PTPRT: variants seen among roughly 807,000 people sequenced by gnomAD.
PTPRT encodes protein tyrosine phosphatase receptor type T.
A neutral mutation model predicts 176.8 loss-of-function variants in PTPRT; 56 were observed. The ratio of observed to expected loss-of-function variants is 0.32; its 90% CI spans 0.26 to 0.40. The LOEUF (loss-of-function observed/expected upper bound fraction) is 0.40. PTPRT is among the 10% of genes least tolerant of loss of function. The pLI is 1.00. For missense variants in PTPRT, 1,540 were observed against 1,908.2 expected, an observed-to-expected ratio of 0.81 and a Z score of 3.60; for synonymous variants, 783 against 739.0, an observed-to-expected ratio of 1.06 and a Z score of -0.96.
chr20:42,454,883 G>A (rs1299618432), intron 8 of PTPRT, among the ~76,000 whole-genome samples: 4 of 152,200 alleles, frequency 2.6e-5, no homozygotes, highest in African/African-American at 9.6e-5. Flanking sequence ...TTACCTAAAT[G>A]CTGTGGGAGC....
intron 7 of PTPRT, among the ~76,000 whole-genome samples, chr20:42,548,085 C>G (rs1336912314): frequency 6.6e-6 from 1 of 151,970 alleles, no homozygotes; most frequent in East Asian, 1.9e-4. Context: ...AAAAACTCAA[C>G]AAATCCAGGC....
At chr20:42,065,285 TATTG>T in the PTPRT span, among the ~76,000 whole-genome samples, 20,035 of 152,170 alleles carry the variant, frequency 0.13, 3,629 homozygotes, top group African/African-American at 0.41. Flanking sequence ...ATCTCTTAGC[TATTG>T]ATTAATATTG....
chr20:42,718,008 C>A (rs1255109125), intron 6 of PTPRT, among the ~76,000 whole-genome samples: 1 of 152,218 alleles, frequency 6.6e-6, no homozygotes, highest in Admixed American at 6.5e-5. Flanking sequence ...ACAGACAACA[C>A]CAATATGCAA....
intron 6 of PTPRT, among the ~76,000 whole-genome samples, chr20:42,742,467 T>C (rs574043615): frequency 2.0e-5 from 3 of 152,274 alleles, no homozygotes; most frequent in Admixed American, 1.3e-4. Flanking sequence ...GTACTCCACA[T>C]AGTCATTCAG....
chr20:43,088,367 TG>T (rs2011692158), intron 1 of PTPRT, among the ~76,000 whole-genome samples: 1 of 151,774 alleles, frequency 6.6e-6, no homozygotes. Context: ...TGTGTGTGTG[TG>T]TGTGTGTGTG....
chr20:42,941,898 AT>A (rs2145994537), intron 1 of PTPRT, among the ~76,000 whole-genome samples: 1 of 152,322 alleles, frequency 6.6e-6, no homozygotes, highest in South Asian at 2.1e-4. Flanking sequence ...CTTAAAAAGC[AT>A]TGCTTTCAGT....
chr20:43,111,829 G>A (rs1025982084), intron 1 of PTPRT, among the ~76,000 whole-genome samples: 3 of 152,156 alleles, frequency 2.0e-5, no homozygotes, highest in African/African-American at 7.2e-5. Context: ...CCTGGAGTGG[G>A]CAAGTCAGCT....
intron 15 of PTPRT, among the ~76,000 whole-genome samples, chr20:42,215,594 A>T (rs2055749591): frequency 1.6e-5 from 2 of 122,754 alleles, no homozygotes; most frequent in South Asian, 3.0e-4. Context: ...CTGTAGTTTC[A>T]TCTTGCTCTA....
At chr20:42,698,544 T>C (rs1290415404) in intron 6 of PTPRT, among the ~76,000 whole-genome samples, 1 of 152,222 alleles carries the variant, frequency 6.6e-6, no homozygotes, top group African/African-American at 2.4e-5. Context: ...GCCTCAAACT[T>C]GGCTGCACAT....
intron 1 of PTPRT, among the ~76,000 whole-genome samples, chr20:42,942,323 G>T (rs918074535): frequency 6.6e-6 from 1 of 152,192 alleles, no homozygotes; most frequent in South Asian, 2.1e-4. Flanking sequence ...CAACCCATCC[G>T]CAGTTTCCAG....
chr20:42,187,563 G>A lies in PTPRT; in HGVS notation c.2491+11677C>T, dbSNP rs192136828. ...AGCTTTTCAATCTTTGTGATAGTCC[G>A]CCCTATGGCTCTTCCATTGACTTTC... On this transcript the variant is annotated intron_variant, in intron 16 of 30. Transcript: ENST00000373187. Among the ~76,000 whole-genome samples, 147 of 152,246 alleles carry A rather than the reference G, an allele frequency of 9.7e-4. 1 individual carries two copies. The highest frequency in any genetic ancestry group is 2.7e-3 in the Admixed American group (42 of 15,290).
intron 7 of PTPRT, among the ~76,000 whole-genome samples, chr20:42,636,086 C>T (rs1245002811): frequency 6.6e-6 from 1 of 152,068 alleles, no homozygotes; most frequent in East Asian, 1.9e-4. Context: ...TAATATTAGG[C>T]TACAGTAACC....
chr20:42,153,990 A>G (rs1290087942), intron 17 of PTPRT, among the ~76,000 whole-genome samples: 2 of 152,152 alleles, frequency 1.3e-5, no homozygotes, highest in African/African-American at 4.8e-5. Context: ...GCCACTCCCT[A>G]TAATGGCCTA....
rs547354361 is a variant in PTPRT at position 42,312,724 on chromosome 20, A to G, written c.2139+2999T>C. On this transcript the variant is annotated intron_variant, in intron 12 of 30. Coordinates refer to ENST00000373187, the MANE Select transcript of PTPRT (RefSeq NM_007050.6). ...ATGCATGGTGTGGAATAGAAGGCAC[A>G]GGTAATTAAATGGCCTTGTTCATTT... Among the ~76,000 whole-genome samples, 8 of 152,070 alleles carry G rather than the reference A, an allele frequency of 5.3e-5. No individual in the cohort carries two copies. The South Asian group carries it at 1.7e-3, about 32-fold the overall frequency.
rs1268276336 is a variant in PTPRT at position 42,854,720 on chromosome 20, G to A, written c.214+31087C>T. ...GCATTGCTCATTAGCATAAAGCTTG[G>A]AGAGGTCTGATAAAGTTCATGGCTT... On this transcript the variant is annotated intron_variant, in intron 2 of 30. Coordinates refer to ENST00000373187, the MANE Select transcript of PTPRT (RefSeq NM_007050.6). Among the ~76,000 whole-genome samples the A allele has an allele frequency of 2.0e-5, 3 of 152,352 alleles. No homozygotes were observed. In the East Asian group the frequency reaches 5.8e-4, roughly 29 times the overall value.
intron 11 of PTPRT, among the ~76,000 whole-genome samples, chr20:42,337,266 C>A (rs950584369): frequency 1.3e-4 from 20 of 152,122 alleles, no homozygotes; most frequent in African/African-American, 4.8e-4. Flanking sequence ...TCAGAAAACC[C>A]ATTTCTTAGC....
chr20:43,116,300 T>C (rs1208484630), intron 1 of PTPRT, among the ~76,000 whole-genome samples: 2 of 152,108 alleles, frequency 1.3e-5, no homozygotes, highest in Non-Finnish European at 2.9e-5. Context: ...AAAGCAGCCA[T>C]CACATCTTAA....
At chr20:42,707,386 A>T (rs2146187411) in intron 6 of PTPRT, among the ~76,000 whole-genome samples, 1 of 152,112 alleles carries the variant, frequency 6.6e-6, no homozygotes, top group East Asian at 1.9e-4. Context: ...GGCACCCTTG[A>T]CTCTAAGAAA....
intron 5 of PTPRT, among the ~76,000 whole-genome samples, chr20:42,770,514 T>G (rs1335647047): frequency 6.6e-6 from 1 of 152,168 alleles, no homozygotes; most frequent in Non-Finnish European, 1.5e-5. Context: ...TCATCTTTCT[T>G]GGAAAGTGGG....
Sources: allele counts gnomAD v4.1 joint callset (sites outside exome capture counted in the v4.1 genomes callset), GRCh38; gene constraint gnomAD v4.1.1; transcripts MANE v1.5; gene names NCBI Gene and HGNC (gene_info 2026-07-23, HGNC 2026-07-21).